The following NTNG1 variants were observed in gnomAD, a reference collection of about 807,000 sequenced individuals.
The protein encoded by NTNG1 is netrin G1, also known as netrin-G1.
In NTNG1, 16 loss-of-function variants were observed where a neutral mutation model predicts 54.0. The observed-to-expected ratio is 0.30, with a 90% CI of 0.20 to 0.45. The LOEUF (loss-of-function observed/expected upper bound fraction) is 0.45. NTNG1 is among the 20% of genes least tolerant of loss of function. The pLI is 1.00. For synonymous variants in NTNG1, 255 were observed against 263.1 expected (o/e 0.97, Z 0.30); for missense variants, 530 against 678.7 (o/e 0.78, Z 2.43).
chr1:107,238,947 T>C (rs766763845), intron 2 of NTNG1, among the ~76,000 whole-genome samples: 1 of 152,012 alleles, frequency 6.6e-6, no homozygotes, highest in Non-Finnish European at 1.5e-5. Flanking sequence ...CCTAGGAAGC[T>C]ATGCTCCAGA....
At chr1:107,447,612 G>C (rs1676384184) in intron 7 of NTNG1, among the ~76,000 whole-genome samples, 1 of 152,068 alleles carries the variant, frequency 6.6e-6, no homozygotes, top group Non-Finnish European at 1.5e-5. Flanking sequence ...TTTTAATAAA[G>C]ACTGTCCAGG....
At chr1:107,320,787 G>A (rs558910242) in intron 2 of NTNG1, among the ~76,000 whole-genome samples, 1 of 149,620 alleles carries the variant, frequency 6.7e-6, no homozygotes, top group East Asian at 2.0e-4. Flanking sequence ...TATGTTAATA[G>A]CCATCAAATC....
chr1:107,203,795 C>T (rs1024813116), intron 2 of NTNG1, among the ~76,000 whole-genome samples: 1 of 151,566 alleles, frequency 6.6e-6, no homozygotes, highest in African/African-American at 2.4e-5. Context: ...AGAGTCTTAA[C>T]TGGCATTTTA....
chr1:107,191,101 T>A (rs1253194004), intron 2 of NTNG1, among the ~76,000 whole-genome samples: 15 of 152,232 alleles, frequency 9.9e-5, no homozygotes, highest in Non-Finnish European at 2.1e-4. Context: ...GTTTCCTGAC[T>A]TTTTAATGAT....
intron 2 of NTNG1, among the ~76,000 whole-genome samples, chr1:107,309,510 C>T (rs187275494): frequency 1.6e-3 from 251 of 152,258 alleles, no homozygotes; most frequent in African/African-American, 5.5e-3. Flanking sequence ...GTTTGCTCAT[C>T]TTTTATTGAC....
chr1:107,196,955 C>T (rs377023734), intron 2 of NTNG1, among the ~76,000 whole-genome samples: 6 of 151,332 alleles, frequency 4.0e-5, no homozygotes, highest in East Asian at 3.9e-4. Context: ...TGTGTGTGTG[C>T]GCACGTGCAT....
chr1:107,149,809 C>G (rs547280541), intron 2 of NTNG1, among the ~76,000 whole-genome samples: 1 of 151,478 alleles, frequency 6.6e-6, no homozygotes, highest in East Asian at 1.9e-4. Context: ...AGAAGAACTG[C>G]GATCCTGTTT....
chr1:107,271,767 A>G (rs1664159806), intron 2 of NTNG1, among the ~76,000 whole-genome samples: 1 of 152,172 alleles, frequency 6.6e-6, no homozygotes, highest in Non-Finnish European at 1.5e-5. Context: ...CTAATCAGAG[A>G]CAAGAATATA....
At position 107,318,400 on chromosome 1, in the gene NTNG1, A is replaced by C. The variant is rs1354561725; in HGVS notation, c.247-5882A>C. ...AAAGCACAGAGGTAGTGTTGCTGGCAATTTGGATATGCCAAAGAGAAGCTG... is the reference window on the plus strand; with the variant it reads ...AAAGCACAGAGGTAGTGTTGCTGGCCATTTGGATATGCCAAAGAGAAGCTG... On this transcript the variant is annotated intron_variant, in intron 2 of 7. Coordinates refer to ENST00000370068, the MANE Select transcript of NTNG1 (RefSeq NM_001113226.3). Among the ~76,000 whole-genome samples the C allele has an allele frequency of 2.0e-5, 3 of 152,224 alleles. No individual in the cohort carries two copies. In the East Asian group the frequency reaches 5.8e-4, roughly 29 times the overall value.
At position 107,229,009 on chromosome 1, in the gene NTNG1, A is replaced by G. The variant is rs1461099288; in HGVS notation, c.246+80170A>G. ...CCTCACCAGCAGGAAACTGATAAAG[A>G]TGGCTTGAGGATGCATGAAACATAG... On this transcript the variant is annotated intron_variant, in intron 2 of 7. Transcript: ENST00000370068. Among the ~76,000 whole-genome samples the G allele has an allele frequency of 2.0e-4, 30 of 152,092 alleles. 1 individual carries two copies. Among genetic ancestry groups the G allele is most frequent in the Admixed American group, 2.0e-3 (30 of 15,256 alleles).
intron 2 of NTNG1, among the ~76,000 whole-genome samples, chr1:107,157,710 G>C (rs1294377434): frequency 6.6e-6 from 1 of 151,694 alleles, no homozygotes; most frequent in Non-Finnish European, 1.5e-5. Flanking sequence ...ATGTTTCTTG[G>C]CTATTTAAAT....
intron 2 of NTNG1, among the ~76,000 whole-genome samples, chr1:107,259,558 G>C (rs1480364325): frequency 6.6e-6 from 1 of 152,062 alleles, no homozygotes; most frequent in Non-Finnish European, 1.5e-5. Context: ...GAACCTATTA[G>C]AACTCATTTT....
intron 7 of NTNG1, among the ~76,000 whole-genome samples, chr1:107,439,787 G>C (rs1675852498): frequency 6.6e-6 from 1 of 152,024 alleles, no homozygotes; most frequent in Non-Finnish European, 1.5e-5. Flanking sequence ...GGGGTAACAC[G>C]TGTCACAGTA....
intron 3 of NTNG1, among the ~76,000 whole-genome samples, chr1:107,366,721 T>C: frequency 6.6e-6 from 1 of 152,234 alleles, no homozygotes. Flanking sequence ...GATGCAGAAT[T>C]AACTCATCTA....
chr1:107,224,626 G>A lies in NTNG1; in HGVS notation c.246+75787G>A, dbSNP rs76567811. 7.9e-3 allele frequency among the ~76,000 whole-genome samples: 1,205 copies of A among 152,168 alleles called. 16 individuals are homozygous for A. The highest frequency in any genetic ancestry group is 0.027 in the African/African-American group (1,141 of 41,508). On this transcript the variant is annotated intron_variant, in intron 2 of 7. Transcript: ENST00000370068. ...TCAGACATTTGTTGGTCCCTAGAGC[G>A]TTTACTAAATGGGACTCGATTCCAT...
chr1:107,374,731 C>A (rs111360926), intron 3 of NTNG1, among the ~76,000 whole-genome samples: 3,628 of 152,144 alleles, frequency 0.024, 88 homozygotes, highest in Middle Eastern at 0.11. Context: ...TGTCATTTTT[C>A]TGCTCCTTTG....
intron 4 of NTNG1, among the ~76,000 whole-genome samples, chr1:107,404,300 A>G (rs939275188): frequency 1.3e-5 from 2 of 152,146 alleles, no homozygotes; most frequent in Non-Finnish European, 2.9e-5. Flanking sequence ...CAAACATTAA[A>G]TGCTAAACAG....
chr1:107,329,952 A>G (rs1180635455), intron 3 of NTNG1, among the ~76,000 whole-genome samples: 3 of 152,140 alleles, frequency 2.0e-5, no homozygotes, highest in African/African-American at 7.2e-5. Context: ...TACTGTGTGA[A>G]TATTCAAAGT....
intron 2 of NTNG1, among the ~76,000 whole-genome samples, chr1:107,310,441 T>A (rs984906344): frequency 2.6e-5 from 4 of 152,170 alleles, no homozygotes; most frequent in African/African-American, 9.6e-5. Context: ...AGATGCTGAA[T>A]ATATTATATA....
Sources: gnomAD v4.1 joint callset for allele counts (sites outside exome capture counted in the v4.1 genomes callset) on GRCh38, gnomAD v4.1.1 for gene constraint, MANE v1.5 for transcripts, NCBI Gene and HGNC (gene_info 2026-07-23, HGNC 2026-07-21) for gene names.